The following PLSCR2 variants were observed in gnomAD, a reference collection of about 807,000 sequenced individuals.
PLSCR2 encodes the protein phospholipid scramblase 2.
In PLSCR2, 18 loss-of-function variants were observed where a neutral mutation model predicts 25.3. The ratio of observed to expected loss-of-function variants is 0.71; its 90% CI spans 0.49 to 1.06. The LOEUF (loss-of-function observed/expected upper bound fraction) is 1.06. PLSCR2 is among the 50% of genes least tolerant of loss of function. The pLI, the probability that PLSCR2 is intolerant of heterozygous loss-of-function variation, is 0.00. For synonymous variants in PLSCR2, 88 were observed against 87.3 expected, an observed-to-expected ratio of 1.01 and a Z score of -0.04; for missense variants, 243 against 269.5, an observed-to-expected ratio of 0.90 and a Z score of 0.69.
intron 3 of PLSCR2, among the ~76,000 whole-genome samples, chr3:146,392,323 C>T (rs971059104): frequency 6.6e-6 from 1 of 152,040 alleles, no homozygotes; most frequent in African/African-American, 2.4e-5. Context: ...GCACTTGATT[C>T]CTTAAATCTT....
intron 1 of PLSCR2, among the ~76,000 whole-genome samples, chr3:146,479,782 C>G (rs1387527237): frequency 6.6e-6 from 1 of 152,188 alleles, no homozygotes; most frequent in Admixed American, 6.5e-5. Context: ...GTAGAATATA[C>G]ATTCTTCTCA....
chr3:146,461,598 G>A (rs1000602579), upstream of PLSCR2, among the ~76,000 whole-genome samples: 15 of 152,068 alleles, frequency 9.9e-5, no homozygotes, highest in Admixed American at 6.6e-4. Flanking sequence ...TGTTGAAATC[G>A]AAAAGATGAG....
At chr3:146,494,130 C>T (rs910864103) in intron 1 of PLSCR2, among the ~76,000 whole-genome samples, 26 of 152,028 alleles carry the variant, frequency 1.7e-4, no homozygotes, top group South Asian at 6.2e-4. Context: ...GGTTAATGTT[C>T]GGAGTTCTAA....
At chr3:146,444,862 T>A (rs1174150937) in intron 6 of PLSCR2, among the ~76,000 whole-genome samples, 4 of 152,014 alleles carry the variant, frequency 2.6e-5, no homozygotes, top group African/African-American at 9.7e-5. Context: ...GTCATCCTTT[T>A]AGAGAAAGGG....
At position 146,392,786 on chromosome 3, in the gene PLSCR2, CTT is replaced by C. The variant is rs577236192; in HGVS notation, c.*146-1226_*146-1225del. On this transcript the variant is annotated intron_variant and NMD_transcript_variant, in intron 3 of 3. Transcript: ENST00000463633. ...TGTCTAGAGTACAAGTATGGGTACTCTTTGTTTATTTTTGTTTGCTTAATGGT... is the reference window on the plus strand; with the variant it reads ...TGTCTAGAGTACAAGTATGGGTACTCTGTTTATTTTTGTTTGCTTAATGGT... 3.8e-4 allele frequency among the ~76,000 whole-genome samples: 56 copies of C among 148,506 alleles called. No individual in the cohort carries two copies. In the East Asian group the frequency reaches 0.011, roughly 28 times the overall value.
chr3:146,453,856 C>T, intron 5 of PLSCR2, 146 bp downstream of exon 5: 1 of 565,242 alleles, frequency 1.8e-6, no homozygotes, highest in Non-Finnish European at 2.9e-6. Flanking sequence ...ATAACCTCCA[C>T]TCTGACCAAA....
chr3:146,428,617 G>T (rs1029855079), downstream of PLSCR2, among the ~76,000 whole-genome samples: 1 of 152,026 alleles, frequency 6.6e-6, no homozygotes, highest in Non-Finnish European at 1.5e-5. Context: ...ACCCTATATT[G>T]TTCAGTTATG....
At chr3:146,398,652 T>C (rs1235862369) in intron 2 of PLSCR2, 1 of 152,048 alleles carries the variant, frequency 6.6e-6, no homozygotes, top group Admixed American at 6.6e-5. Context: ...ACTTTATTAA[T>C]TAATTACATT....
chr3:146,410,180 G>T (rs1222437709), intron 2 of PLSCR2, among the ~76,000 whole-genome samples: 2 of 152,110 alleles, frequency 1.3e-5, no homozygotes, highest in African/African-American at 2.4e-5. Flanking sequence ...GATGTGTGGG[G>T]TAGGGGGCAG....
chr3:146,416,563 A>C (rs1559977997), intron 2 of PLSCR2: 1 of 152,112 alleles, frequency 6.6e-6, no homozygotes, highest in South Asian at 2.1e-4. Context: ...GTAGACAACC[A>C]GGGTCGTAGG....
chr3:146,485,269 G>T lies in PLSCR2; in HGVS notation c.-293+10626C>A, dbSNP rs568935190. On this transcript the variant is annotated intron_variant, in intron 1 of 8. Coordinates refer to the PLSCR2 transcript ENST00000336685. ...CACTAACAATTCTAAATATATATGC[G>T]CCCAATACAGGAGAACACAGATTCA... is the stretch of plus-strand genomic sequence containing the variant. 2.6e-5 allele frequency among the ~76,000 whole-genome samples: 4 copies of T among 152,066 alleles called. No individual in the cohort carries two copies. In the East Asian group the frequency reaches 7.7e-4, roughly 29 times the overall value.
chr3:146,463,394 A>T (rs1041728976), upstream of PLSCR2, among the ~76,000 whole-genome samples: 2 of 152,084 alleles, frequency 1.3e-5, no homozygotes, highest in African/African-American at 2.4e-5. Flanking sequence ...TGACCTCGTG[A>T]TCTGCCCGCG....
At chr3:146,455,364 G>T (rs200081885) in exon 4 of PLSCR2, 1 of 1,612,544 alleles carries the variant, frequency 6.2e-7, no homozygotes, top group Non-Finnish European at 8.5e-7. Flanking sequence ...CAGCAATTTC[G>T]GATACAGAAA....
At chr3:146,475,417 G>C (rs912030660) in intron 1 of PLSCR2, among the ~76,000 whole-genome samples, 3 of 151,956 alleles carry the variant, frequency 2.0e-5, no homozygotes, top group African/African-American at 4.8e-5. Flanking sequence ...TTTTCTGGGG[G>C]TTCACTTCAG....
At chr3:146,488,617 C>A (rs1409013380) in intron 1 of PLSCR2, among the ~76,000 whole-genome samples, 1 of 152,094 alleles carries the variant, frequency 6.6e-6, no homozygotes, top group African/African-American at 2.4e-5. Context: ...ATCAAAACCA[C>A]AATGAGATAC....
intron 5 of PLSCR2, among the ~76,000 whole-genome samples, chr3:146,451,085 TAAG>T (rs956812297): frequency 1.4e-5 from 2 of 147,076 alleles, no homozygotes; most frequent in Non-Finnish European, 3.0e-5. Flanking sequence ...TACAACATCA[TAAG>T]AAGTATACAT....
chr3:146,439,728 C>T (rs886068727), downstream of PLSCR2, among the ~76,000 whole-genome samples: 1 of 152,110 alleles, frequency 6.6e-6, no homozygotes, highest in Non-Finnish European at 1.5e-5. Context: ...CCTCCTTTAG[C>T]TCGGAGTTTG....
intron 1 of PLSCR2, among the ~76,000 whole-genome samples, chr3:146,492,992 A>G (rs1466616429): frequency 2.2e-5 from 3 of 134,804 alleles, no homozygotes; most frequent in Non-Finnish European, 4.9e-5. Context: ...ACCCCACAGA[A>G]ATACAAAAAA....
chr3:146,439,352 T>C (rs559624535), downstream of PLSCR2, among the ~76,000 whole-genome samples: 58 of 152,362 alleles, frequency 3.8e-4, no homozygotes, highest in African/African-American at 1.3e-3. Context: ...TTCTCCTGGA[T>C]AATATCCTGA....
Sources: allele counts gnomAD v4.1 joint callset (sites outside exome capture counted in the v4.1 genomes callset), GRCh38; gene constraint gnomAD v4.1.1; transcripts MANE v1.5; gene names NCBI Gene and HGNC (gene_info 2026-07-23, HGNC 2026-07-21).